Variants in DNAI4 observed in about 807,000 individuals in gnomAD.
The protein encoded by DNAI4 is WD repeat domain 78.
DNAI4 carries 85 observed loss-of-function variants against 105.8 expected under a neutral mutation model. That is an observed-to-expected ratio of 0.80 (90% CI 0.67 to 0.96). The LOEUF is 0.96. Ranked by LOEUF, DNAI4 falls within the 40% of genes least tolerant of loss-of-function variation. DNAI4 has a pLI of 0.00. For missense variants in DNAI4, 1,014 were observed against 1,005.6 expected, an observed-to-expected ratio of 1.01 and a Z score of -0.11; for synonymous variants, 352 against 331.5, an observed-to-expected ratio of 1.06 and a Z score of -0.67.
chr1:66,853,842 C>G (rs576078), intron 7 of DNAI4, among the ~76,000 whole-genome samples: 115,000 of 151,942 alleles, frequency 0.76, 44,040 homozygotes, highest in Non-Finnish European at 0.82. Context: ...CACTCTTACT[C>G]AATATAGTGA....
chr1:66,830,365 T>C (rs909303173), intron 13 of DNAI4, among the ~76,000 whole-genome samples: 2 of 152,094 alleles, frequency 1.3e-5, no homozygotes, highest in African/African-American at 4.8e-5. Context: ...CACAGAGTGG[T>C]GTCATGGTTT....
intron 5 of DNAI4, 83 bp downstream of exon 5, chr1:66,874,698 G>A: frequency 6.9e-7 from 1 of 1,444,736 alleles, no homozygotes; most frequent in Non-Finnish European, 9.4e-7. Context: ...AACCCCCAAG[G>A]ACCCTTCACA....
At chr1:66,892,594 G>C (rs1647751393) in intron 3 of DNAI4, among the ~76,000 whole-genome samples, 1 of 152,056 alleles carries the variant, frequency 6.6e-6, no homozygotes. Context: ...AAACATGAGA[G>C]GAACATAGAG....
At chr1:66,875,077 T>C in intron 4 of DNAI4, 140 bp from the exon 5 acceptor site, 2 of 824,990 alleles carry the variant, frequency 2.4e-6, no homozygotes, top group South Asian at 3.9e-5. Context: ...GGTTGTGAGA[T>C]GTAGTATATT....
At chr1:66,919,091 T>C (rs534338331) in intron 1 of DNAI4, 162 of 444,672 alleles carry the variant, frequency 3.6e-4, no homozygotes, top group Admixed American at 1.4e-3. Flanking sequence ...ACTTCTTACA[T>C]ATATTGATTG....
At position 66,862,010 on chromosome 1, in the gene DNAI4, T is replaced by C. The variant is rs1043127973; in HGVS notation, c.1096+137A>G. The C allele has an allele frequency of 8.8e-6, 7 of 798,606 alleles. No individual in the cohort carries two copies. The Admixed American group carries it at 1.8e-4, about 21-fold the overall frequency. 49.5% of individuals were successfully genotyped at this position (798,606 alleles called of 1,614,324 possible). A position where few individuals can be genotyped will look rare whatever the true frequency, so the allele number is the denominator to read the frequency against. On this transcript the variant is annotated intron_variant, in intron 7 of 16. Coordinates refer to ENST00000371026, the MANE Select transcript of DNAI4 (RefSeq NM_024763.5). ...TTAAGTCCAAGACCATGTGATAGAG[T>C]AATAGTGCTATTTCTGAGTAAAAGT...
rs770155240 is a variant in DNAI4, at chr1:66,843,142, A to G, written c.1292-2471T>C. Among the ~76,000 whole-genome samples the G allele has an allele frequency of 8.6e-5, 12 of 139,426 alleles. No homozygotes were observed. In the Admixed American group the frequency reaches 9.0e-4, roughly 10 times the overall value. The allele number at this position is 139,426 out of a possible 152,430, so 91.5% of individuals were successfully genotyped here. On this transcript the variant is annotated intron_variant, in intron 8 of 16. Coordinates refer to ENST00000371026, the MANE Select transcript of DNAI4 (RefSeq NM_024763.5). ...TTGAGCCAGGGAAGCTGAGGCTACA[A>G]TGAGCCGTGATTGTGCCACTGTACT...
intron 7 of DNAI4, among the ~76,000 whole-genome samples, chr1:66,859,506 AT>A (rs1428299406): frequency 6.6e-6 from 1 of 152,216 alleles, no homozygotes; most frequent in Non-Finnish European, 1.5e-5. Flanking sequence ...ATGAATGTTT[AT>A]AACCGTTTTA....
intron 4 of DNAI4, among the ~76,000 whole-genome samples, chr1:66,885,117 G>A (rs1408773337): frequency 6.6e-6 from 1 of 152,028 alleles, no homozygotes; most frequent in Non-Finnish European, 1.5e-5. Context: ...AGAATTTTGT[G>A]GTTTAATTTG....
At chr1:66,846,304 A>G (rs1334011039) in intron 8 of DNAI4, among the ~76,000 whole-genome samples, 1 of 152,208 alleles carries the variant, frequency 6.6e-6, no homozygotes, top group Non-Finnish European at 1.5e-5. Flanking sequence ...AAAAAGATTT[A>G]CAACCATTTG....
chr1:66,844,752 C>T (rs1183601966), intron 8 of DNAI4, among the ~76,000 whole-genome samples: 1 of 151,666 alleles, frequency 6.6e-6, no homozygotes, highest in Non-Finnish European at 1.5e-5. Flanking sequence ...GATTAGATTT[C>T]GCAAAAATAA....
chr1:66,835,188 T>C (rs1209530189), intron 11 of DNAI4, among the ~76,000 whole-genome samples: 2 of 130,624 alleles, frequency 1.5e-5, no homozygotes, highest in African/African-American at 5.7e-5. Context: ...TATACCCTCC[T>C]TAGACAGATA....
At chr1:66,850,010 A>G (rs1272270042) in intron 7 of DNAI4, among the ~76,000 whole-genome samples, 1 of 152,098 alleles carries the variant, frequency 6.6e-6, no homozygotes, top group Non-Finnish European at 1.5e-5. Context: ...AAGAAATAAT[A>G]GCTGAAAACT....
chr1:66,835,325 A>T (rs1285399047), intron 11 of DNAI4, among the ~76,000 whole-genome samples: 2 of 152,196 alleles, frequency 1.3e-5, no homozygotes, highest in East Asian at 1.9e-4. Flanking sequence ...TAGGTTGCAC[A>T]AAAGAAAGGA....
intron 2 of DNAI4, among the ~76,000 whole-genome samples, chr1:66,896,884 C>T (rs191070769): frequency 6.6e-6 from 1 of 152,192 alleles, no homozygotes; most frequent in Admixed American, 6.5e-5. Flanking sequence ...AAAATTAATA[C>T]CAAGAAGTGG....
intron 1 of DNAI4, among the ~76,000 whole-genome samples, chr1:66,910,646 A>C (rs1440811633): frequency 6.6e-6 from 1 of 151,994 alleles, no homozygotes; most frequent in Non-Finnish European, 1.5e-5. Flanking sequence ...CCCTTTCTAA[A>C]ATGTCAAAAT....
At chr1:66,855,214 C>A (rs574402013) in intron 7 of DNAI4, among the ~76,000 whole-genome samples, 2 of 152,348 alleles carry the variant, frequency 1.3e-5, no homozygotes, top group Non-Finnish European at 2.9e-5. Context: ...ACTAGCCAAT[C>A]CTAAACTTGC....
chr1:66,848,251 C>T (rs1446876741), intron 7 of DNAI4: 4 of 456,072 alleles, frequency 8.8e-6, no homozygotes, highest in Non-Finnish European at 1.8e-5. Context: ...TCAAAGACAG[C>T]AACATTGATT....
intron 3 of DNAI4, among the ~76,000 whole-genome samples, 166 bp downstream of exon 3, chr1:66,893,063 G>GAGAGAGAAAGAAAGAAAGAA (rs879150798): frequency 4.5e-5 from 4 of 89,540 alleles, no homozygotes; most frequent in Non-Finnish European, 8.7e-5. Flanking sequence ...AAGAGAGAGA[G>GAGAGAGAAAGAAAGAAAGAA]AGAAAGAAAG....
Sources: allele counts gnomAD v4.1 joint callset (sites outside exome capture counted in the v4.1 genomes callset), GRCh38; gene constraint gnomAD v4.1.1; transcripts MANE v1.5; gene names NCBI Gene and HGNC (gene_info 2026-07-23, HGNC 2026-07-21).